The following NCOA1 variants were observed in gnomAD, a reference collection of about 807,000 sequenced individuals.
The protein encoded by NCOA1 is nuclear receptor coactivator 1.
In NCOA1, 35 loss-of-function variants were observed where a neutral mutation model predicts 150.9. The ratio of observed to expected loss-of-function variants is 0.23; its 90% CI spans 0.18 to 0.31. The LOEUF (loss-of-function observed/expected upper bound fraction) is 0.31. Among genes scored for constraint, NCOA1 ranks in the 10% least tolerant of loss-of-function variants. The pLI, the probability that NCOA1 is intolerant of heterozygous loss-of-function variation, is 1.00. For missense variants in NCOA1, 1,491 were observed against 1,749.3 expected, an observed-to-expected ratio of 0.85 and a Z score of 2.63; for synonymous variants, 590 against 630.0, an observed-to-expected ratio of 0.94 and a Z score of 0.95.
At chr2:24,514,181 G>A (rs1217837101) in intron 1 of NCOA1, among the ~76,000 whole-genome samples, 2 of 151,132 alleles carry the variant, frequency 1.3e-5, no homozygotes, top group African/African-American at 4.9e-5. Context: ...CCAGCTACTC[G>A]GGAGGCTGAG....
intron 9 of NCOA1, among the ~76,000 whole-genome samples, chr2:24,692,339 G>T (rs1672703714): frequency 6.6e-6 from 1 of 152,192 alleles, no homozygotes; most frequent in Non-Finnish European, 1.5e-5. Context: ...ATCAACTGGA[G>T]ACTTTTTACA....
chr2:24,627,126 T>G (rs201111368), intron 3 of NCOA1, among the ~76,000 whole-genome samples: 7 of 147,412 alleles, frequency 4.7e-5, no homozygotes, highest in Non-Finnish European at 6.0e-5. Flanking sequence ...TTGCTGTTTT[T>G]TTTTTTTTTT....
chr2:24,541,937 A>G (rs185713379), intron 1 of NCOA1, among the ~76,000 whole-genome samples: 1 of 152,354 alleles, frequency 6.6e-6, no homozygotes, highest in African/African-American at 2.4e-5. Context: ...ATTATTATGA[A>G]CAAGAAGGCA....
At position 24,769,295 on chromosome 2, in the gene NCOA1, G is replaced by T. The variant is rs183833332; in HGVS notation, c.*904G>T. 5.3e-6 allele frequency: 1 copy of T among 189,028 alleles called. No individual in the cohort carries two copies. The highest frequency in any genetic ancestry group is 6.2e-5 in the Admixed American group (1 of 16,200). The allele number at this position is 189,028 out of a possible 1,614,324, so 11.7% of individuals were successfully genotyped here. ...TCATTGTAAATATATTTGATTTCTT[G>T]TAGAAATTGATTTCCTTCTGTTTAA... On this transcript the variant is annotated 3_prime_UTR_variant, in exon 23 of 23. Transcript: ENST00000348332.
intron 1 of NCOA1, among the ~76,000 whole-genome samples, chr2:24,519,910 G>A (rs1664352998): frequency 6.6e-6 from 1 of 152,122 alleles, no homozygotes. Context: ...AGTTATCAAA[G>A]CTCAATATTA....
chr2:24,502,942 T>C (rs1027128152), intron 1 of NCOA1, among the ~76,000 whole-genome samples: 6 of 152,240 alleles, frequency 3.9e-5, no homozygotes, highest in South Asian at 2.1e-4. Flanking sequence ...TTGTACCTTA[T>C]GAAATTTTTT....
At chr2:24,576,170 G>GTTTTTTTTTTTTTTT (rs869093026) in intron 2 of NCOA1, among the ~76,000 whole-genome samples, 10 of 46,286 alleles carry the variant, frequency 2.2e-4, no homozygotes, top group South Asian at 1.7e-3. Flanking sequence ...TTTGTTTTTT[G>GTTTTTTTTTTTTTTT]TTTTTTTTTT....
At chr2:24,493,817 A>G (rs1663081675) in intron 1 of NCOA1, among the ~76,000 whole-genome samples, 1 of 152,244 alleles carries the variant, frequency 6.6e-6, no homozygotes, top group South Asian at 2.1e-4. Flanking sequence ...TAAGGGTAGC[A>G]TGAAGCGGGT....
chr2:24,511,598 A>G (rs1663939254), intron 1 of NCOA1, among the ~76,000 whole-genome samples: 1 of 151,684 alleles, frequency 6.6e-6, no homozygotes, highest in African/African-American at 2.4e-5. Flanking sequence ...AATTGTAAGA[A>G]TTCTTTATAT....
At chr2:24,601,612 C>CTTTTTTTTTTTTT (rs112063269) in intron 3 of NCOA1, among the ~76,000 whole-genome samples, 4 of 131,984 alleles carry the variant, frequency 3.0e-5, no homozygotes, top group Non-Finnish European at 4.9e-5. Context: ...CTCCTTCCTC[C>CTTTTTTTTTTTTT]TTTTTTTTTT....
intron 10 of NCOA1, 29 bp downstream of exon 10, chr2:24,693,376 A>G: frequency 1.9e-6 from 3 of 1,551,782 alleles, no homozygotes; most frequent in Non-Finnish European, 2.7e-6. Context: ...AGAATGTTCC[A>G]TAGGTATTAA....
chr2:24,765,320 G>A (rs985667637), intron 22 of NCOA1, among the ~76,000 whole-genome samples: 7 of 148,714 alleles, frequency 4.7e-5, no homozygotes, highest in African/African-American at 1.7e-4. Context: ...TGGCTAACAC[G>A]GTGAAACCGT....
Position 24,726,590 on chromosome 2 carries a change from A to T in NCOA1, c.2601A>T (p.Arg867Ser). 1 of 1,599,094 alleles carries T rather than the reference A, an allele frequency of 6.3e-7. No individual in the cohort carries two copies. The highest frequency in any genetic ancestry group is 8.5e-7 in the Non-Finnish European group (1 of 1,169,848). ...ATARPTSRLN[R>S]LPELELEAID... Reference sequence around the variant, plus strand: ...TCTTACCTTTTCTTCTTAAATCAGGATTACCTGAGCTGGAATTGGAAGCAA... The same window carrying T: ...TCTTACCTTTTCTTCTTAAATCAGGTTTACCTGAGCTGGAATTGGAAGCAA... The change falls in exon 15 of 23, where the codon AGA becomes AGT. Residue 867 changes from arginine (R) to serine (S), a missense_variant and splice_region_variant. This residue lies in a region of NCOA1 where 703 missense variants were observed against 717.7 expected (regional missense o/e 0.98). Coordinates refer to ENST00000348332, the MANE Select transcript of NCOA1 (RefSeq NM_003743.5).
intron 8 of NCOA1, among the ~76,000 whole-genome samples, chr2:24,688,827 A>G (rs1389943501): frequency 2.6e-5 from 4 of 152,144 alleles, no homozygotes; most frequent in African/African-American, 4.8e-5. Context: ...GCCCATTCCT[A>G]TGTCCAGAGT....
intron 1 of NCOA1, among the ~76,000 whole-genome samples, chr2:24,524,933 A>G (rs1479445024): frequency 6.6e-6 from 1 of 152,138 alleles, no homozygotes; most frequent in Non-Finnish European, 1.5e-5. Context: ...TTGAACTGAC[A>G]GAGTGGAAAC....
At chr2:24,527,707 G>T (rs1664708842) in intron 1 of NCOA1, among the ~76,000 whole-genome samples, 3 of 152,138 alleles carry the variant, frequency 2.0e-5, no homozygotes, top group Admixed American at 2.0e-4. Context: ...GAGTCATGTG[G>T]TAATTCCATT....
intron 7 of NCOA1, among the ~76,000 whole-genome samples, chr2:24,681,160 T>G (rs914049062): frequency 1.3e-5 from 2 of 151,060 alleles, no homozygotes; most frequent in Non-Finnish European, 2.9e-5. Flanking sequence ...GGTCAGGAGT[T>G]TAAGACCAAC....
intron 1 of NCOA1, among the ~76,000 whole-genome samples, chr2:24,560,657 G>C (rs1666260481): frequency 6.6e-6 from 1 of 152,112 alleles, no homozygotes; most frequent in African/African-American, 2.4e-5. Context: ...CCAATAAGTA[G>C]AATGGAACAT....
chr2:24,548,370 C>T (rs1665690901), intron 1 of NCOA1, among the ~76,000 whole-genome samples: 1 of 152,234 alleles, frequency 6.6e-6, no homozygotes, highest in African/African-American at 2.4e-5. Flanking sequence ...GATTCAATTA[C>T]CTCCTACCAG....
Sources: gnomAD v4.1 joint callset for allele counts (sites outside exome capture counted in the v4.1 genomes callset) on GRCh38, gnomAD v4.1.1 for gene constraint, gnomAD v4.1.1 regional missense constraint, MANE v1.5 for transcripts, NCBI Gene and HGNC (gene_info 2026-07-23, HGNC 2026-07-21) for gene names.